PDE3B: variants seen among roughly 807,000 people sequenced by gnomAD.
PDE3B encodes cGMP-inhibited 3',5'-cyclic phosphodiesterase 3B.
PDE3B carries 66 observed loss-of-function variants against 116.8 expected under a neutral mutation model. The observed-to-expected ratio is 0.56, with a 90% CI of 0.46 to 0.69. The LOEUF (loss-of-function observed/expected upper bound fraction) is 0.69. Ranked by LOEUF, PDE3B falls within the 30% of genes least tolerant of loss-of-function variation. PDE3B has a pLI of 0.00. For missense variants in PDE3B, 1,384 were observed against 1,368.1 expected (o/e 1.01, Z -0.18); for synonymous variants, 595 against 533.6 (o/e 1.12, Z -1.59).
intron 1 of PDE3B, among the ~76,000 whole-genome samples, chr11:14,725,289 TTTTCTTTCTTTCTTTCTTTCTC>T (rs1856256208): frequency 1.3e-5 from 2 of 148,392 alleles, no homozygotes; most frequent in African/African-American, 2.5e-5. Context: ...CTTTCTTTCT[TTTTCTTTCTTTCTTTCTTTCTC>T]TTTCTTTCTT....
intron 1 of PDE3B, among the ~76,000 whole-genome samples, chr11:14,747,826 TAC>T (rs1856956003): frequency 6.6e-6 from 1 of 152,186 alleles, no homozygotes; most frequent in Non-Finnish European, 1.5e-5. Flanking sequence ...GCATGTAATA[TAC>T]ATATTTAAGT....
At chr11:14,734,255 A>G (rs578154521) in intron 1 of PDE3B, among the ~76,000 whole-genome samples, 11 of 152,126 alleles carry the variant, frequency 7.2e-5, no homozygotes, top group Admixed American at 7.2e-4. Flanking sequence ...ATTTTTTTGT[A>G]CAATTGGGGG....
Position 14,852,402 on chromosome 11 carries a change from C to A in PDE3B, c.2521-6641C>A, listed in dbSNP as rs1016501743. 3.9e-5 allele frequency among the ~76,000 whole-genome samples: 6 copies of A among 152,110 alleles called. No homozygotes were observed. In the East Asian group the frequency reaches 1.2e-3, roughly 29 times the overall value. On this transcript the variant is annotated intron_variant, in intron 12 of 15. Transcript: ENST00000282096. ...TTTCATTTTCGTAAAGTATATCTTCCCTCAAGGATGTTAGAAATGAGTGAA... is the reference window on the plus strand; with the variant it reads ...TTTCATTTTCGTAAAGTATATCTTCACTCAAGGATGTTAGAAATGAGTGAA...
intron 1 of PDE3B, among the ~76,000 whole-genome samples, chr11:14,658,672 A>G (rs1303738036): frequency 6.6e-6 from 1 of 152,318 alleles, no homozygotes; most frequent in Admixed American, 6.5e-5. Flanking sequence ...TCTTGTAACT[A>G]TAGTGTCTAT....
intron 1 of PDE3B, among the ~76,000 whole-genome samples, chr11:14,727,480 C>T (rs1032850136): frequency 4.5e-4 from 69 of 152,082 alleles, no homozygotes; most frequent in African/African-American, 1.6e-3. Context: ...AGCCACCATG[C>T]TATTCTGTCT....
chr11:14,771,964 C>A lies in PDE3B; in HGVS notation c.1006C>A (p.Gln336Lys), dbSNP rs1476766243. ...GATTCTTTGGGATTGGGACTTAAAA[C>A]AATGGTATAAGCCTCATTATCAAGT... ...QMILWDWDLK[Q>K]WYKPHYQNSG... The change falls in exon 2 of 16, where the codon CAA (glutamine) becomes AAA (lysine). Residue 336 changes from glutamine to lysine, a missense_variant. Physicochemically the swap from Gln to Lys is moderately conservative, Grantham distance 53. This residue lies in a region of PDE3B where 956 missense variants were observed against 806.8 expected (regional missense o/e 1.18). Coordinates refer to ENST00000282096, the MANE Select transcript of PDE3B (RefSeq NM_000922.4). 1 of 1,352,884 alleles carries A rather than the reference C, an allele frequency of 7.4e-7. No individual in the cohort carries two copies. The highest frequency in any genetic ancestry group is 1.0e-6 in the Non-Finnish European group (1 of 1,000,576). The allele number at this position is 1,352,884 out of a possible 1,614,324, so 83.8% of individuals were successfully genotyped here.
intron 1 of PDE3B, among the ~76,000 whole-genome samples, chr11:14,660,820 C>G (rs1016521580): frequency 6.6e-6 from 1 of 152,000 alleles, no homozygotes; most frequent in African/African-American, 2.4e-5. Context: ...ATTTAAATAG[C>G]AAGAAAGGAG....
At chr11:14,888,429 G>A in the PDE3B span, among the ~76,000 whole-genome samples, 1 of 152,202 alleles carries the variant, frequency 6.6e-6, no homozygotes, top group Non-Finnish European at 1.5e-5. Flanking sequence ...AATGTGCAAA[G>A]TGCTGTTGAT....
At chr11:14,717,349 G>C (rs1208740425) in intron 1 of PDE3B, among the ~76,000 whole-genome samples, 32 of 119,462 alleles carry the variant, frequency 2.7e-4, no homozygotes, top group African/African-American at 9.3e-4. Context: ...ACACTCTGCA[G>C]GATATTATCC....
At chr11:14,725,930 AT>A (rs1423285432) in intron 1 of PDE3B, among the ~76,000 whole-genome samples, 2 of 152,048 alleles carry the variant, frequency 1.3e-5, no homozygotes, top group African/African-American at 4.8e-5. Flanking sequence ...ACAGTTTACC[AT>A]GGCAATAATG....
chr11:14,824,649 C>T (rs1366380175), intron 7 of PDE3B, among the ~76,000 whole-genome samples: 2 of 152,038 alleles, frequency 1.3e-5, no homozygotes, highest in Non-Finnish European at 2.9e-5. Context: ...TGTAAAGAGG[C>T]CAAATCTACA....
intron 1 of PDE3B, among the ~76,000 whole-genome samples, chr11:14,666,113 C>G (rs1473052020): frequency 1.3e-5 from 2 of 150,368 alleles, no homozygotes; most frequent in Non-Finnish European, 3.0e-5. Context: ...GAACAGAGCC[C>G]TCAGAAATAA....
chr11:14,801,742 C>T (rs1213320798), intron 4 of PDE3B, among the ~76,000 whole-genome samples: 1 of 152,226 alleles, frequency 6.6e-6, no homozygotes, highest in Non-Finnish European at 1.5e-5. Flanking sequence ...GTAGCCACCC[C>T]TTCCCCCAGG....
At chr11:14,891,914 A>G in the PDE3B span, 1 of 1,556,612 alleles carries the variant, frequency 6.4e-7, no homozygotes, top group Non-Finnish European at 8.7e-7. Context: ...AAGTCCAACC[A>G]GGAAGGCCCT....
intron 1 of PDE3B, 101 bp from the exon 2 acceptor site, chr11:14,771,836 G>T: frequency 4.5e-6 from 2 of 441,804 alleles, no homozygotes; most frequent in Non-Finnish European, 8.3e-6. Context: ...TCCAGATTTT[G>T]AGCTATATTA....
At chr11:14,770,182 A>G (rs529991173) in intron 1 of PDE3B, among the ~76,000 whole-genome samples, 3 of 151,490 alleles carry the variant, frequency 2.0e-5, no homozygotes, top group Admixed American at 2.0e-4. Context: ...ATTGATGCCT[A>G]TCTCATAGGT....
chr11:14,662,313 A>C (rs959050697), intron 1 of PDE3B, among the ~76,000 whole-genome samples: 2 of 152,202 alleles, frequency 1.3e-5, no homozygotes, highest in Admixed American at 1.3e-4. Flanking sequence ...TCTGTACATC[A>C]CCATCATCAA....
chr11:14,791,139 T>G (rs1858373899), intron 4 of PDE3B, among the ~76,000 whole-genome samples: 1 of 152,128 alleles, frequency 6.6e-6, no homozygotes, highest in Non-Finnish European at 1.5e-5. Context: ...TTAGTGCAGC[T>G]CTAGATCTTT....
intron 11 of PDE3B, among the ~76,000 whole-genome samples, chr11:14,842,894 G>C (rs1045192424): frequency 3.3e-5 from 5 of 152,114 alleles, no homozygotes; most frequent in Non-Finnish European, 7.4e-5. Context: ...AAAAATTCTT[G>C]TGATGGTGTA....
Sources: allele counts gnomAD v4.1 joint callset (sites outside exome capture counted in the v4.1 genomes callset), GRCh38; gene constraint gnomAD v4.1.1; regional missense constraint gnomAD v4.1.1; transcripts MANE v1.5; gene names NCBI Gene and HGNC (gene_info 2026-07-23, HGNC 2026-07-21).